Variants in NID1 observed in about 807,000 individuals in gnomAD.
The protein encoded by NID1 is nidogen-1.
Under a neutral mutation model 130.6 loss-of-function variants are expected in NID1, and 76 were observed. The ratio of observed to expected loss-of-function variants is 0.58; its 90% CI spans 0.48 to 0.70. The LOEUF is 0.70. Among genes scored for constraint, NID1 ranks in the 30% least tolerant of loss-of-function variants. NID1 has a pLI of 0.00. For synonymous variants in NID1, 665 were observed against 675.1 expected, an observed-to-expected ratio of 0.98 and a Z score of 0.23; for missense variants, 1,517 against 1,664.8, an observed-to-expected ratio of 0.91 and a Z score of 1.54.
rs17854360 is a variant in NID1, at chr1:235,993,823, T to C, written c.2577A>G (p.Ala859=). The C allele has an allele frequency of 0.011, 17,004 of 1,614,120 alleles. 109 individuals carry two copies. Among genetic ancestry groups the C allele is most frequent in the Non-Finnish European group, 0.012 (14,503 of 1,179,970 alleles). Residue 859 remains alanine (A), a synonymous_variant, in exon 13 of 20, where the codon GCA becomes GCG. Coordinates refer to ENST00000264187, the MANE Select transcript of NID1 (RefSeq NM_002508.3). The part of the protein sequence containing the change: ...CQHEREHILG[A]AGATDPQRPI... ...GTCGCTGTGGGTCTGTCGCCCCCGC[T>C]GCCCCGAGAATGTGTTCTCGCTCGT...
Position 236,054,795 on chromosome 1 carries a change from C to T in NID1, c.226-5806G>A, listed in dbSNP as rs988481440. On this transcript the variant is annotated intron_variant, in intron 1 of 19. Transcript: ENST00000264187. ...TAGCTGGGACTACAGGTGTGTGCCA[C>T]CACATCTGGCTAATTTGTATATTTT... Among the ~76,000 whole-genome samples, 20 of 151,760 alleles carry T rather than the reference C, an allele frequency of 1.3e-4. No individual in the cohort carries two copies. The South Asian group carries it at 1.5e-3, about 11-fold the overall frequency.
In NID1 at chr1:235,976,549, C is replaced by T. The variant is rs1657259879; in HGVS notation, c.*1318G>A. Reference sequence around the variant, plus strand: ...ATCCCATCCTTTACTGACTCAAACTCCTTATGCTGAACTTTTCAATCCAAA... The same window carrying T: ...ATCCCATCCTTTACTGACTCAAACTTCTTATGCTGAACTTTTCAATCCAAA... On this transcript the variant is annotated 3_prime_UTR_variant, in exon 20 of 20. Transcript: ENST00000264187. The T allele has an allele frequency of 6.6e-6, 1 of 152,118 alleles. No individual in the cohort carries two copies. The highest frequency in any genetic ancestry group is 2.4e-5 in the African/African-American group (1 of 41,408). The allele number at this position is 152,118 out of a possible 1,614,324, so 9.4% of individuals were successfully genotyped here. A position where few individuals can be genotyped will look rare whatever the true frequency, so the allele number is the denominator to read the frequency against.
intron 14 of NID1, among the ~76,000 whole-genome samples, chr1:235,988,763 C>T (rs905920135): frequency 2.0e-5 from 3 of 152,092 alleles, no homozygotes; most frequent in African/African-American, 7.2e-5. Context: ...ATATGCCAGA[C>T]ACGAATGACA....
Position 236,065,053 on chromosome 1 carries a change from C to A in NID1, c.27G>T (p.Arg9=). 6.4e-7 allele frequency: 1 copy of A among 1,552,674 alleles called. No individual in the cohort carries two copies. The highest frequency in any genetic ancestry group is 8.7e-7 in the Non-Finnish European group (1 of 1,148,186). Residue 9 remains arginine (R), a synonymous_variant, in exon 1 of 20, where the codon CGG becomes CGT. Transcript: ENST00000264187. The surrounding 1 kb of genome is among the most constrained non-coding windows in gnomAD (Gnocchi z 4.1). MLASSSRI[R]AAWTRALLLP... ...GCAGCAGCGCCCGCGTCCACGCAGC[C>A]CGGATCCGGCTGCTCGAGGCCAACA...
chr1:235,998,768 T>TA (rs1395290550), intron 12 of NID1, among the ~76,000 whole-genome samples: 1 of 152,250 alleles, frequency 6.6e-6, no homozygotes, highest in African/African-American at 2.4e-5. Context: ...AGAGTTTTCA[T>TA]ATAAGCTGTT....
intron 2 of NID1, among the ~76,000 whole-genome samples, chr1:236,047,383 AG>A (rs1659632709): frequency 6.6e-6 from 1 of 152,096 alleles, no homozygotes; most frequent in African/African-American, 2.4e-5. Flanking sequence ...TTTCCTATAA[AG>A]GTGAAGTTAT....
intron 1 of NID1, 113 bp downstream of exon 1, chr1:236,064,742 C>A: frequency 1.1e-6 from 1 of 921,528 alleles, no homozygotes; most frequent in Non-Finnish European, 1.6e-6. Flanking sequence ...GGTGCCCCGG[C>A]GGCCAGCGGG....
At chr1:236,044,350 T>G (rs1328901833) in intron 3 of NID1, among the ~76,000 whole-genome samples, 3 of 152,214 alleles carry the variant, frequency 2.0e-5, no homozygotes, top group Non-Finnish European at 4.4e-5. Flanking sequence ...GGAAAAAATA[T>G]TCAAAACTCA....
At chr1:235,997,279 G>C (rs2102804559) in intron 12 of NID1, among the ~76,000 whole-genome samples, 1 of 152,286 alleles carries the variant, frequency 6.6e-6, no homozygotes, top group Admixed American at 6.5e-5. Flanking sequence ...GCAACTCTGT[G>C]GTTGTAGCAT....
Position 236,029,622 on chromosome 1 carries a change from C to T in NID1, c.1666G>A (p.Val556Met), listed in dbSNP as rs376540541. The T allele has an allele frequency of 5.6e-6, 9 of 1,607,196 alleles. No individual in the cohort carries two copies. Among genetic ancestry groups the T allele is most frequent in the Admixed American group, 3.4e-5 (2 of 58,864 alleles). Residue 556 changes from valine to methionine, a missense_variant, in exon 7 of 20, where the codon GTG becomes ATG. Coordinates refer to ENST00000264187, the MANE Select transcript of NID1 (RefSeq NM_002508.3). ...LTIDTELEGR[V>M]PQIPFGSSVH... ...GAGGAGCCGAACGGAATCTGCGGCA[C>T]GCGGCCCTCCAGCTCCGTGTCGATG...
chr1:235,988,492 T>C (rs1657633397), intron 14 of NID1, among the ~76,000 whole-genome samples: 1 of 152,224 alleles, frequency 6.6e-6, no homozygotes, highest in African/African-American at 2.4e-5. Flanking sequence ...AAATTAAATA[T>C]AGAATTACTG....
At position 236,045,473 on chromosome 1, in the gene NID1, C is replaced by A; in HGVS notation, c.736G>T (p.Val246Phe). 1 of 1,613,588 alleles carries A rather than the reference C, an allele frequency of 6.2e-7. No individual in the cohort carries two copies. Among genetic ancestry groups the A allele is most frequent in the Non-Finnish European group, 8.5e-7 (1 of 1,179,776 alleles). The change falls in exon 3 of 20, where the codon GTT (valine) becomes TTT (phenylalanine). Residue 246 changes from valine to phenylalanine, a missense_variant. This residue lies in a region of NID1 where 1,329 missense variants were observed against 1,429.2 expected (regional missense o/e 0.93). Coordinates refer to ENST00000264187, the MANE Select transcript of NID1 (RefSeq NM_002508.3). The stretch of plus-strand genomic sequence containing the variant: ...AAAGCATACTTGGCCAAATTTTCAA[C>A]TGATTCCCTGTCATTAGCAAATATG... ...YNIFANDRES[V>F]ENLAKSSNSG... is the part of the protein sequence containing the mutation.
intron 4 of NID1, among the ~76,000 whole-genome samples, chr1:236,041,113 G>T (rs1350655758): frequency 6.6e-6 from 1 of 152,142 alleles, no homozygotes; most frequent in Non-Finnish European, 1.5e-5. Flanking sequence ...CTGTTGCCAG[G>T]CTGGAGTGCA....
intron 3 of NID1, among the ~76,000 whole-genome samples, chr1:236,043,070 G>A (rs2102841010): frequency 6.6e-6 from 1 of 152,230 alleles, no homozygotes; most frequent in South Asian, 2.1e-4. Flanking sequence ...CGGGAAGGCT[G>A]GTGTACTCAG....
intron 12 of NID1, 60 bp downstream of exon 12, chr1:236,011,861 G>A: frequency 6.3e-7 from 1 of 1,597,788 alleles, no homozygotes; most frequent in Non-Finnish European, 8.6e-7. Flanking sequence ...AATGGGCCAT[G>A]TGCTCTGCAT....
In NID1 at chr1:236,017,277, C is replaced by A; in HGVS notation, c.2129-4G>T. 17 of 1,612,966 alleles carry A rather than the reference C, an allele frequency of 1.1e-5. No individual in the cohort carries two copies. The highest frequency in any genetic ancestry group is 1.4e-5 in the Non-Finnish European group (17 of 1,179,636). Reference sequence around the variant, plus strand: ...TGTTCTGAACATTCATCAATATCTGCAGCAAAAATTTTTTTTTACTGCAGG... The same window carrying A: ...TGTTCTGAACATTCATCAATATCTGAAGCAAAAATTTTTTTTTACTGCAGG... On this transcript the variant is annotated splice_polypyrimidine_tract_variant and splice_region_variant and intron_variant, in intron 9 of 19. Transcript: ENST00000264187.
intron 1 of NID1, among the ~76,000 whole-genome samples, chr1:236,055,681 A>G (rs898116254): frequency 6.6e-6 from 1 of 151,830 alleles, no homozygotes; most frequent in African/African-American, 2.4e-5. Context: ...AAAAAAAAAC[A>G]TACAACAAAC....
chr1:236,039,359 G>T lies in NID1; in HGVS notation c.1136-1106C>A, dbSNP rs184586694. ...CTCCCAAGTAGCTGGGACTGCAGGC[G>T]GGTGCCATTGTGCCTGGCTTATATT... On this transcript the variant is annotated intron_variant, in intron 4 of 19. Coordinates refer to ENST00000264187, the MANE Select transcript of NID1 (RefSeq NM_002508.3). 4.5e-3 allele frequency among the ~76,000 whole-genome samples: 683 copies of T among 151,296 alleles called. 2 individuals are homozygous for T. Among genetic ancestry groups the T allele is most frequent in the Middle Eastern group, 0.037 (11 of 294 alleles).
intron 11 of NID1, 51 bp from the exon 12 acceptor site, chr1:236,012,094 GT>G: frequency 6.3e-7 from 1 of 1,589,884 alleles, no homozygotes; most frequent in Non-Finnish European, 8.6e-7. Flanking sequence ...TCTGGAATTC[GT>G]AGTTTACCCA....
Sources: allele counts gnomAD v4.1 joint callset (sites outside exome capture counted in the v4.1 genomes callset), GRCh38; gene constraint gnomAD v4.1.1; regional missense constraint gnomAD v4.1.1; non-coding constraint Gnocchi (gnomAD v3.1); transcripts MANE v1.5; gene names NCBI Gene and HGNC (gene_info 2026-07-23, HGNC 2026-07-21).